SYN3: variants seen among roughly 807,000 people sequenced by gnomAD.
SYN3 encodes the protein synapsin-3.
In SYN3, 35 loss-of-function variants were observed where a neutral mutation model predicts 65.8. That is an observed-to-expected ratio of 0.53 (90% CI 0.41 to 0.70). The LOEUF is 0.70. SYN3 is among the 30% of genes least tolerant of loss of function. SYN3 has a pLI of 0.00. For missense variants in SYN3, 680 were observed against 749.0 expected, an observed-to-expected ratio of 0.91 and a Z score of 1.08; for synonymous variants, 270 against 292.9, an observed-to-expected ratio of 0.92 and a Z score of 0.80.
intron 6 of SYN3, among the ~76,000 whole-genome samples, chr22:32,667,015 A>G (rs1452359673): frequency 2.6e-5 from 4 of 152,156 alleles, no homozygotes; most frequent in African/African-American, 9.7e-5. Context: ...TGATCTCCTC[A>G]CGGAACACAA....
rs187939437 is a variant in SYN3 at position 32,601,247 on chromosome 22, C to G, written c.712-4511G>C. Among the ~76,000 whole-genome samples the G allele has an allele frequency of 6.1e-3, 928 of 151,136 alleles. 9 individuals carry two copies. Among genetic ancestry groups the G allele is most frequent in the African/African-American group, 0.022 (886 of 40,910 alleles). On this transcript the variant is annotated intron_variant, in intron 6 of 13. Transcript: ENST00000358763. ...TCCAAAGCAATGGATTTTCCTGATA[C>G]TAGGGGAAATTTTCCTTTGCCTTTT...
At chr22:32,886,609 A>G (rs138649101) in intron 4 of SYN3, among the ~76,000 whole-genome samples, 5 of 152,348 alleles carry the variant, frequency 3.3e-5, no homozygotes, top group African/African-American at 1.2e-4. Context: ...ATGTAACACT[A>G]ATATAATCAT....
intron 6 of SYN3, among the ~76,000 whole-genome samples, chr22:32,756,313 C>A (rs918119456): frequency 6.6e-6 from 1 of 151,822 alleles, no homozygotes; most frequent in African/African-American, 2.4e-5. Flanking sequence ...AGGAGATATA[C>A]CTAATGTTAA....
intron 2 of SYN3, among the ~76,000 whole-genome samples, chr22:32,986,265 G>A (rs2052524706): frequency 1.3e-5 from 2 of 152,148 alleles, no homozygotes; most frequent in Non-Finnish European, 2.9e-5. Flanking sequence ...TGCGATGTGG[G>A]GGTGTGTACG....
intron 6 of SYN3, among the ~76,000 whole-genome samples, chr22:32,652,340 G>A (rs1239379814): frequency 3.3e-5 from 5 of 149,832 alleles, no homozygotes; most frequent in Admixed American, 6.7e-5. Flanking sequence ...GTCCTTCCAC[G>A]CTAAGGGCAT....
At chr22:32,933,548 C>A (rs899274837) in intron 3 of SYN3, among the ~76,000 whole-genome samples, 2 of 152,178 alleles carry the variant, frequency 1.3e-5, no homozygotes, top group Non-Finnish European at 2.9e-5. Flanking sequence ...CCTGCCTCAG[C>A]CTCCCGAGTA....
At chr22:33,016,822 G>C (rs1473930102) in intron 1 of SYN3, among the ~76,000 whole-genome samples, 1 of 151,408 alleles carries the variant, frequency 6.6e-6, no homozygotes, top group Non-Finnish European at 1.5e-5. Flanking sequence ...TCAGATGTAT[G>C]GTTTGCAAAT....
intron 6 of SYN3, among the ~76,000 whole-genome samples, chr22:32,709,174 C>A (rs897590463): frequency 6.6e-6 from 1 of 152,212 alleles, no homozygotes; most frequent in African/African-American, 2.4e-5. Flanking sequence ...CTCTTGCAGG[C>A]CCTTCCAGGA....
At chr22:32,885,183 C>A (rs2049255288) in intron 4 of SYN3, among the ~76,000 whole-genome samples, 1 of 151,642 alleles carries the variant, frequency 6.6e-6, no homozygotes, top group Admixed American at 6.6e-5. Context: ...AGACTTTTGA[C>A]AGTATCTGCT....
chr22:32,756,367 A>G (rs1391306613), intron 6 of SYN3, among the ~76,000 whole-genome samples: 1 of 152,252 alleles, frequency 6.6e-6, no homozygotes, highest in African/African-American at 2.4e-5. Flanking sequence ...GCACATGTAT[A>G]CACATGTAAC....
chr22:32,711,001 A>T (rs1232913448), intron 6 of SYN3, among the ~76,000 whole-genome samples: 1 of 152,132 alleles, frequency 6.6e-6, no homozygotes, highest in Non-Finnish European at 1.5e-5. Flanking sequence ...CATGCCGGAG[A>T]TGCTCTTCAC....
chr22:32,621,733 A>T (rs1184402440), intron 6 of SYN3, among the ~76,000 whole-genome samples: 2 of 152,162 alleles, frequency 1.3e-5, no homozygotes, highest in Admixed American at 1.3e-4. Flanking sequence ...AGAGGGAGAA[A>T]GACATTATGG....
At chr22:32,915,291 T>C (rs1303666517) in intron 4 of SYN3, among the ~76,000 whole-genome samples, 1 of 152,182 alleles carries the variant, frequency 6.6e-6, no homozygotes, top group Non-Finnish European at 1.5e-5. Flanking sequence ...AAAAGAATTA[T>C]TCATTCAACC....
intron 12 of SYN3, among the ~76,000 whole-genome samples, chr22:32,521,571 CAAAT>C (rs1010779515): frequency 1.7e-4 from 25 of 151,406 alleles, no homozygotes; most frequent in African/African-American, 6.1e-4. Context: ...CTCAGCCTCT[CAAAT>C]AGCTGGGATT....
intron 4 of SYN3, among the ~76,000 whole-genome samples, chr22:32,888,767 C>T (rs1456064230): frequency 6.6e-6 from 1 of 152,158 alleles, no homozygotes; most frequent in Non-Finnish European, 1.5e-5. Flanking sequence ...TGACATGACA[C>T]TCAATGGAAA....
intron 6 of SYN3, among the ~76,000 whole-genome samples, chr22:32,683,234 G>A (rs1318871538): frequency 2.6e-5 from 4 of 152,082 alleles, no homozygotes; most frequent in African/African-American, 9.7e-5. Context: ...TCTGCGGAGG[G>A]GAGCGGGGTG....
intron 3 of SYN3, among the ~76,000 whole-genome samples, chr22:32,951,044 G>C (rs58135128): frequency 0.012 from 1,762 of 152,322 alleles, 44 homozygotes; most frequent in African/African-American, 0.04. Flanking sequence ...CAGTCTGCAT[G>C]TATTATGATC....
At chr22:33,030,233 C>T (rs533178577) in intron 1 of SYN3, among the ~76,000 whole-genome samples, 164 of 152,322 alleles carry the variant, frequency 1.1e-3, no homozygotes, top group African/African-American at 3.2e-3. Flanking sequence ...CTCCACAAGC[C>T]GCTCCTTTCT....
Position 32,534,240 on chromosome 22 carries a change from G to A in SYN3, c.993-345C>T, listed in dbSNP as rs535878152. Among the ~76,000 whole-genome samples, 6 of 152,266 alleles carry A rather than the reference G, an allele frequency of 3.9e-5. No individual in the cohort carries two copies. The East Asian group carries it at 1.2e-3, about 29-fold the overall frequency. On this transcript the variant is annotated intron_variant, in intron 9 of 13. Coordinates refer to ENST00000358763, the MANE Select transcript of SYN3 (RefSeq NM_003490.4). ...GTCTCCCCCGACCCCAGGACTTGCT[G>A]GCTCTGCAGTAATGGGGAGCTTGCC... is the stretch of plus-strand genomic sequence containing the variant.
Sources: gnomAD v4.1 joint callset for allele counts (sites outside exome capture counted in the v4.1 genomes callset) on GRCh38, gnomAD v4.1.1 for gene constraint, MANE v1.5 for transcripts, NCBI Gene and HGNC (gene_info 2026-07-23, HGNC 2026-07-21) for gene names.